Variants in ADAMTSL1 observed in about 807,000 individuals in gnomAD.
ADAMTSL1 encodes ADAMTS like 1, also known as ADAMTS-like protein 1.
ADAMTSL1 carries 126 observed loss-of-function variants against 201.8 expected under a neutral mutation model. That is an observed-to-expected ratio of 0.62 (90% CI 0.54 to 0.72). The LOEUF (loss-of-function observed/expected upper bound fraction) is 0.72. Among genes scored for constraint, ADAMTSL1 ranks in the 30% least tolerant of loss-of-function variants. ADAMTSL1 has a pLI of 0.00. For missense variants in ADAMTSL1, 2,679 were observed against 2,277.8 expected, an observed-to-expected ratio of 1.18 and a Z score of -3.59; for synonymous variants, 1,121 against 903.4, an observed-to-expected ratio of 1.24 and a Z score of -4.32.
intron 2 of ADAMTSL1, among the ~76,000 whole-genome samples, chr9:18,346,493 C>A (rs1327346293): frequency 6.6e-6 from 1 of 152,132 alleles, no homozygotes; most frequent in African/African-American, 2.4e-5. Context: ...GGAATCAAAT[C>A]TACCTTGGAG....
chr9:18,062,293 G>A (rs1178555325), intron 1 of ADAMTSL1, among the ~76,000 whole-genome samples: 2 of 152,126 alleles, frequency 1.3e-5, no homozygotes, highest in African/African-American at 2.4e-5. Flanking sequence ...ATCTTTTCAG[G>A]TAAAGGTAAA....
intron 23 of ADAMTSL1, among the ~76,000 whole-genome samples, chr9:18,851,970 A>C (rs1484342738): frequency 6.6e-6 from 1 of 152,184 alleles, no homozygotes; most frequent in East Asian, 1.9e-4. Flanking sequence ...ACTGGATGCA[A>C]CCAATTATCA....
intron 23 of ADAMTSL1, among the ~76,000 whole-genome samples, chr9:18,841,928 T>A (rs1825745443): frequency 6.6e-6 from 1 of 152,070 alleles, no homozygotes; most frequent in Non-Finnish European, 1.5e-5. Flanking sequence ...TCTTCTCTCT[T>A]TTCTTCTTTA....
chr9:18,148,429 A>G (rs1242961573), intron 1 of ADAMTSL1, among the ~76,000 whole-genome samples: 2 of 151,968 alleles, frequency 1.3e-5, no homozygotes, highest in Non-Finnish European at 2.9e-5. Flanking sequence ...TCAAGATCAG[A>G]TACTAAAGTC....
intron 2 of ADAMTSL1, among the ~76,000 whole-genome samples, chr9:18,299,318 A>G (rs1294475075): frequency 6.6e-6 from 1 of 152,192 alleles, no homozygotes; most frequent in East Asian, 1.9e-4. Flanking sequence ...ATGTCTACAT[A>G]TATCTTCTCC....
chr9:18,703,542 A>T (rs1587936378), intron 13 of ADAMTSL1, among the ~76,000 whole-genome samples: 1 of 151,802 alleles, frequency 6.6e-6, no homozygotes, highest in East Asian at 1.9e-4. Flanking sequence ...TGTGAACTCG[A>T]TGAAGACCTA....
intron 19 of ADAMTSL1, chr9:18,793,173 T>C (rs1266471499): frequency 6.6e-6 from 1 of 152,258 alleles, no homozygotes; most frequent in African/African-American, 2.4e-5. Context: ...GTCTATTTCC[T>C]TCCCCATTTT....
At chr9:18,453,355 C>T (rs1820485794) in intron 2 of ADAMTSL1, among the ~76,000 whole-genome samples, 1 of 152,060 alleles carries the variant, frequency 6.6e-6, no homozygotes, top group Non-Finnish European at 1.5e-5. Context: ...GGAGGGGCAG[C>T]CATGAAGCTC....
intron 1 of ADAMTSL1, among the ~76,000 whole-genome samples, chr9:17,915,929 A>AT (rs545044387): frequency 0.013 from 1,912 of 147,948 alleles, 34 homozygotes; most frequent in African/African-American, 0.036. Flanking sequence ...CTGGCTGTGA[A>AT]TTTTTTTTTT....
At chr9:18,892,694 C>T in intron 26 of ADAMTSL1, 98 bp downstream of exon 26, 1 of 1,352,784 alleles carries the variant, frequency 7.4e-7, no homozygotes. Flanking sequence ...CTGCCACCTC[C>T]TCCTTTCACA....
intron 2 of ADAMTSL1, among the ~76,000 whole-genome samples, chr9:18,240,556 C>T (rs1410803214): frequency 3.3e-5 from 5 of 152,114 alleles, no homozygotes; most frequent in African/African-American, 9.7e-5. Context: ...TAACCCATAA[C>T]AAGAGAGTTA....
At chr9:18,605,338 C>CT (rs1564084045) in intron 4 of ADAMTSL1, among the ~76,000 whole-genome samples, 3 of 152,144 alleles carry the variant, frequency 2.0e-5, no homozygotes, top group African/African-American at 7.2e-5. Flanking sequence ...CAAAATGAGC[C>CT]TTTTTTCCCT....
intron 2 of ADAMTSL1, among the ~76,000 whole-genome samples, chr9:18,262,173 T>G (rs1831949251): frequency 6.6e-6 from 1 of 152,208 alleles, no homozygotes; most frequent in African/African-American, 2.4e-5. Context: ...GTCACAAATT[T>G]AAATATTTTC....
chr9:18,156,072 G>C (rs1827138184), intron 1 of ADAMTSL1, among the ~76,000 whole-genome samples: 1 of 151,978 alleles, frequency 6.6e-6, no homozygotes, highest in South Asian at 2.1e-4. Flanking sequence ...GCCAGACTGG[G>C]GAGTCTTTGA....
At chr9:18,885,522 C>A (rs947257003) in intron 23 of ADAMTSL1, among the ~76,000 whole-genome samples, 2 of 152,160 alleles carry the variant, frequency 1.3e-5, no homozygotes, top group Non-Finnish European at 2.9e-5. Flanking sequence ...CTAAATAACT[C>A]ACATGGCCAA....
intron 4 of ADAMTSL1, among the ~76,000 whole-genome samples, chr9:18,583,280 A>C (rs1255257887): frequency 6.6e-6 from 1 of 152,168 alleles, no homozygotes; most frequent in East Asian, 1.9e-4. Context: ...CCATGGCTGA[A>C]AGGGGTCAAG....
At chr9:18,890,650 C>G (rs1829193083) in intron 25 of ADAMTSL1, 1 of 455,280 alleles carries the variant, frequency 2.2e-6, no homozygotes, top group African/African-American at 2.0e-5. Flanking sequence ...GGGAAGGTTT[C>G]CACAGGAATG....
Position 18,064,880 on chromosome 9 carries a change from A to G in ADAMTSL1, c.88-98982A>G, listed in dbSNP as rs7024728. Among the ~76,000 whole-genome samples, 205 of 151,204 alleles carry G rather than the reference A, an allele frequency of 1.4e-3. 1 individual carries two copies. The highest frequency in any genetic ancestry group is 4.9e-3 in the African/African-American group (201 of 41,344). ...GACATTGGAACAAAATATTATATAT[A>G]AAGTTTGGTTGTCTATTATAACTAT... On this transcript the variant is annotated intron_variant, in intron 1 of 29. Coordinates refer to the ADAMTSL1 transcript ENST00000680146.
chr9:18,436,998 A>T (rs1214153385), intron 2 of ADAMTSL1, among the ~76,000 whole-genome samples: 1 of 151,972 alleles, frequency 6.6e-6, no homozygotes, highest in African/African-American at 2.4e-5. Context: ...AACTGTCTCA[A>T]ATTGAAGCCA....
Sources: allele counts gnomAD v4.1 joint callset (sites outside exome capture counted in the v4.1 genomes callset), GRCh38; gene constraint gnomAD v4.1.1; transcripts MANE v1.5; gene names NCBI Gene and HGNC (gene_info 2026-07-23, HGNC 2026-07-21).